The following DNAJC24 variants were observed in gnomAD, a reference collection of about 807,000 sequenced individuals.
DNAJC24 encodes DnaJ heat shock protein family (Hsp40) member C24, also known as dnaJ homolog subfamily C member 24.
A neutral mutation model predicts 18.0 loss-of-function variants in DNAJC24; 17 were observed. That is an observed-to-expected ratio of 0.94 (90% CI 0.65 to 1.42). DNAJC24 has a LOEUF of 1.42. Among genes scored for constraint, DNAJC24 ranks in the 40% most tolerant of loss-of-function variants. DNAJC24 has a pLI of 0.00. For synonymous variants in DNAJC24, 55 were observed against 57.7 expected (o/e 0.95, Z 0.21); for missense variants, 158 against 175.6 (o/e 0.90, Z 0.57).
At chr11:31,379,867 C>T (rs1952359326) in intron 2 of DNAJC24, among the ~76,000 whole-genome samples, 3 of 152,090 alleles carry the variant, frequency 2.0e-5, no homozygotes, top group Admixed American at 1.3e-4. Context: ...AAGCGATTCT[C>T]CTCCCTCAGC....
At chr11:31,415,071 C>A in intron 3 of DNAJC24, 122 bp downstream of exon 3, 1 of 1,052,566 alleles carries the variant, frequency 9.5e-7, no homozygotes, top group Non-Finnish European at 1.3e-6. Context: ...TTATTCCTCC[C>A]CTCCATCACT....
intron 2 of DNAJC24, among the ~76,000 whole-genome samples, chr11:31,385,267 A>G (rs763771139): frequency 1.3e-4 from 20 of 152,202 alleles, no homozygotes; most frequent in Non-Finnish European, 2.4e-4. Flanking sequence ...GTTTTGTTTG[A>G]GCCATGATCT....
intron 3 of DNAJC24, among the ~76,000 whole-genome samples, chr11:31,420,021 CTTTA>C (rs1211976847): frequency 6.6e-6 from 1 of 151,978 alleles, no homozygotes; most frequent in African/African-American, 2.4e-5. Flanking sequence ...TAGCAGCTTT[CTTTA>C]TTCTCATGCC....
chr11:31,378,935 T>G (rs1952346837), intron 2 of DNAJC24, among the ~76,000 whole-genome samples: 1 of 152,174 alleles, frequency 6.6e-6, no homozygotes. Context: ...TCATTTTCTT[T>G]TATCTTAGCC....
intron 2 of DNAJC24, among the ~76,000 whole-genome samples, chr11:31,413,132 T>C (rs945517794): frequency 3.3e-5 from 5 of 152,094 alleles, no homozygotes; most frequent in African/African-American, 1.2e-4. Context: ...GTACCATTAA[T>C]TGAGGAATGT....
intron 2 of DNAJC24, among the ~76,000 whole-genome samples, chr11:31,391,609 G>T (rs1018040414): frequency 6.6e-6 from 1 of 152,148 alleles, no homozygotes; most frequent in Admixed American, 6.5e-5. Context: ...AATAACAAAT[G>T]CTGGCGAGGA....
In DNAJC24 at chr11:31,399,878, A is replaced by G. The variant is rs559218056; in HGVS notation, c.112-14933A>G. Among the ~76,000 whole-genome samples the G allele has an allele frequency of 3.3e-5, 5 of 150,652 alleles. No individual in the cohort carries two copies. The South Asian group carries it at 8.4e-4, about 25-fold the overall frequency. ...CATCTAGGTTTTAAGCCCCTCATAC[A>G]TTAGGTATTTGTCCAGATGCTCTCC... On this transcript the variant is annotated intron_variant, in intron 2 of 4. Coordinates refer to ENST00000465995, the MANE Select transcript of DNAJC24 (RefSeq NM_181706.5).
At chr11:31,422,056 CTTG>C (rs1448057346) in intron 3 of DNAJC24, 5 of 384,184 alleles carry the variant, frequency 1.3e-5, no homozygotes, top group Non-Finnish European at 2.6e-5. Context: ...TCTTTCACCT[CTTG>C]TTGTCAGACA....
chr11:31,392,165 G>T (rs1037865981), intron 2 of DNAJC24, among the ~76,000 whole-genome samples: 1 of 152,132 alleles, frequency 6.6e-6, no homozygotes, highest in African/African-American at 2.4e-5. Context: ...GAGCTAGATA[G>T]AATGAGTAAG....
chr11:31,401,421 TC>T (rs1952600130), intron 2 of DNAJC24, among the ~76,000 whole-genome samples: 1 of 152,016 alleles, frequency 6.6e-6, no homozygotes, highest in Non-Finnish European at 1.5e-5. Context: ...CTCTCTTTCT[TC>T]CTCCTCCTCT....
At chr11:31,425,606 G>C (rs1179355928) in intron 3 of DNAJC24, among the ~76,000 whole-genome samples, 1 of 152,058 alleles carries the variant, frequency 6.6e-6, no homozygotes, top group East Asian at 1.9e-4. Context: ...TGTGGAAAGA[G>C]ATCACTCTCT....
At chr11:31,418,145 A>G (rs1952768271) in intron 3 of DNAJC24, among the ~76,000 whole-genome samples, 1 of 152,112 alleles carries the variant, frequency 6.6e-6, no homozygotes, top group South Asian at 2.1e-4. Context: ...TCTAGTTGGC[A>G]TATTAAACTT....
At chr11:31,413,326 CTT>C (rs1226979464) in intron 2 of DNAJC24, among the ~76,000 whole-genome samples, 3 of 126,372 alleles carry the variant, frequency 2.4e-5, no homozygotes, top group African/African-American at 3.0e-5. Flanking sequence ...TAAATACTAT[CTT>C]TTTTTTTTTT....
At chr11:31,419,108 T>C (rs1952779494) in intron 3 of DNAJC24, among the ~76,000 whole-genome samples, 1 of 152,128 alleles carries the variant, frequency 6.6e-6, no homozygotes, top group Non-Finnish European at 1.5e-5. Context: ...GGCCAGTAGA[T>C]ATTTGTGTAA....
rs575348926 is a variant in DNAJC24, at chr11:31,375,720, G to A, written c.111+4861G>A. Among the ~76,000 whole-genome samples, 7 of 135,204 alleles carry A rather than the reference G, an allele frequency of 5.2e-5. 1 individual carries two copies. Among genetic ancestry groups the A allele is most frequent in the Middle Eastern group, 3.9e-3 (1 of 258 alleles). 88.7% of individuals were successfully genotyped at this position (135,204 alleles called of 152,430 possible). On this transcript the variant is annotated intron_variant, in intron 2 of 4. Transcript: ENST00000465995. Reference sequence around the variant, plus strand: ...CCGGTTTATTTGTAGGTTTGGTAGCGGAAAGTTGATGAGCTCTCATTTGGT... The same window carrying A: ...CCGGTTTATTTGTAGGTTTGGTAGCAGAAAGTTGATGAGCTCTCATTTGGT...
chr11:31,403,141 G>C (rs1037219671), intron 2 of DNAJC24, among the ~76,000 whole-genome samples: 1 of 151,936 alleles, frequency 6.6e-6, no homozygotes, highest in Non-Finnish European at 1.5e-5. Flanking sequence ...GTGTGTGTGT[G>C]TGTGTGTGTG....
intron 3 of DNAJC24, among the ~76,000 whole-genome samples, chr11:31,418,689 A>G (rs1003794837): frequency 2.6e-5 from 4 of 152,106 alleles, no homozygotes; most frequent in Admixed American, 2.6e-4. Flanking sequence ...CCTTCACTAT[A>G]CATAATTGGA....
At chr11:31,410,312 A>G (rs1554934039) in intron 2 of DNAJC24, among the ~76,000 whole-genome samples, 1 of 152,188 alleles carries the variant, frequency 6.6e-6, no homozygotes, top group Non-Finnish European at 1.5e-5. Context: ...TCATGTGCAC[A>G]CTGTCTGTTC....
intron 2 of DNAJC24, among the ~76,000 whole-genome samples, chr11:31,405,875 A>T (rs1206263541): frequency 6.6e-6 from 1 of 152,218 alleles, no homozygotes; most frequent in Non-Finnish European, 1.5e-5. Flanking sequence ...CCATCCCATG[A>T]CTAGCAAACT....
Sources: gnomAD v4.1 joint callset for allele counts (sites outside exome capture counted in the v4.1 genomes callset) on GRCh38, gnomAD v4.1.1 for gene constraint, MANE v1.5 for transcripts, NCBI Gene and HGNC (gene_info 2026-07-23, HGNC 2026-07-21) for gene names.